MGAT5: variants seen among roughly 807,000 people sequenced by gnomAD.
MGAT5 encodes alpha-1,6-mannosylglycoprotein 6-beta-N-acetylglucosaminyltransferase A.
Under a neutral mutation model 94.3 loss-of-function variants are expected in MGAT5, and 30 were observed. That is an observed-to-expected ratio of 0.32 (90% CI 0.24 to 0.43). The LOEUF (loss-of-function observed/expected upper bound fraction) is 0.43, where lower values mean the gene tolerates loss of function less well. Ranked by LOEUF, MGAT5 falls within the 20% of genes least tolerant of loss-of-function variation. MGAT5 has a pLI of 1.00. For synonymous variants in MGAT5, 310 were observed against 322.9 expected, an observed-to-expected ratio of 0.96 and a Z score of 0.43; for missense variants, 691 against 905.5, an observed-to-expected ratio of 0.76 and a Z score of 3.04.
Position 134,318,861 on chromosome 2 carries a change from G to A in MGAT5, c.573+122G>A, listed in dbSNP as rs113477836. On this transcript the variant is annotated intron_variant, in intron 4 of 15. Coordinates refer to ENST00000281923, the MANE Select transcript of MGAT5 (RefSeq NM_002410.5). ...TTTTATGTGGAGGACCTATGGTTCC[G>A]TCCTTCATTACTCTCCCTACCTCTC... is the stretch of plus-strand genomic sequence containing the variant. The A allele has an allele frequency of 5.8e-4, 355 of 616,500 alleles. No individual in the cohort carries two copies. In the African/African-American group the frequency reaches 5.8e-3, roughly 10 times the overall value. The allele number at this position is 616,500 out of a possible 1,614,324, so 38.2% of individuals were successfully genotyped here.
intron 14 of MGAT5, among the ~76,000 whole-genome samples, chr2:134,437,835 C>G (rs1279545862): frequency 6.6e-6 from 1 of 151,848 alleles, no homozygotes; most frequent in African/African-American, 2.4e-5. Context: ...GCAAACATGG[C>G]GAAACCCCGT....
At chr2:134,439,423 G>A (rs940804205) in intron 14 of MGAT5, among the ~76,000 whole-genome samples, 60 of 152,312 alleles carry the variant, frequency 3.9e-4, no homozygotes, top group Admixed American at 2.0e-4. Context: ...AAGGCCGGGC[G>A]CGGTGGCTCA....
At chr2:134,201,880 A>AT (rs997014553) in intron 1 of MGAT5, among the ~76,000 whole-genome samples, 1 of 128,638 alleles carries the variant, frequency 7.8e-6, no homozygotes, top group Admixed American at 8.9e-5. Context: ...AAAGCTGCTG[A>AT]TTAGCACTCT....
At chr2:134,136,114 T>A (rs1449577157) in intron 1 of MGAT5, among the ~76,000 whole-genome samples, 1 of 152,240 alleles carries the variant, frequency 6.6e-6, no homozygotes, top group Non-Finnish European at 1.5e-5. Context: ...AATAGAAATC[T>A]AATATTTTCA....
chr2:134,188,870 T>C (rs1689173994), intron 1 of MGAT5, among the ~76,000 whole-genome samples: 1 of 152,218 alleles, frequency 6.6e-6, no homozygotes. Flanking sequence ...TCCCATGGCC[T>C]TCTTAGGTTT....
rs553711883 is a variant in MGAT5, at chr2:134,443,486, C to A, written c.2027+1571C>A. ...GTATTACAGGCGTGAGCCATCGTGC[C>A]CGGCCCTGGTGATGCTATTTTTTTC... On this transcript the variant is annotated intron_variant, in intron 15 of 15. Transcript: ENST00000281923. 1.9e-4 allele frequency among the ~76,000 whole-genome samples: 29 copies of A among 152,318 alleles called. No individual in the cohort carries two copies. The East Asian group carries it at 4.8e-3, about 25-fold the overall frequency.
At chr2:134,386,724 G>A (rs1266191680) in intron 10 of MGAT5, among the ~76,000 whole-genome samples, 1 of 152,142 alleles carries the variant, frequency 6.6e-6, no homozygotes, top group Non-Finnish European at 1.5e-5. Flanking sequence ...CCTACTCCTA[G>A]TTACTAGGGA....
chr2:134,364,706 A>G (rs1236781556), intron 10 of MGAT5, among the ~76,000 whole-genome samples: 1 of 152,214 alleles, frequency 6.6e-6, no homozygotes, highest in Non-Finnish European at 1.5e-5. Flanking sequence ...ACACCCAAAA[A>G]TCCTGGGTGT....
chr2:134,329,883 C>A (rs546766384), intron 4 of MGAT5, among the ~76,000 whole-genome samples: 1 of 152,216 alleles, frequency 6.6e-6, no homozygotes, highest in African/African-American at 2.4e-5. Flanking sequence ...GAACCACTTA[C>A]CACTTACATG....
chr2:134,234,682 G>A (rs538011431), intron 1 of MGAT5, among the ~76,000 whole-genome samples: 50 of 152,358 alleles, frequency 3.3e-4, no homozygotes, highest in African/African-American at 1.1e-3. Flanking sequence ...TAAGTCACAA[G>A]CTTGTGTTGG....
At chr2:134,409,873 T>C (rs559479668) in intron 11 of MGAT5, among the ~76,000 whole-genome samples, 1 of 152,344 alleles carries the variant, frequency 6.6e-6, no homozygotes, top group African/African-American at 2.4e-5. Context: ...GCCTCATCTG[T>C]TCTCTCTGCT....
chr2:134,419,778 A>G (rs1299378005), intron 12 of MGAT5, among the ~76,000 whole-genome samples: 5 of 152,206 alleles, frequency 3.3e-5, no homozygotes, highest in African/African-American at 1.2e-4. Context: ...GTATTTTCCA[A>G]GTGCTTGGAG....
In MGAT5 at chr2:134,208,004, C is replaced by T. The variant is rs537906521; in HGVS notation, c.-142-46258C>T. Among the ~76,000 whole-genome samples the T allele has an allele frequency of 2.6e-4, 40 of 152,316 alleles. No individual in the cohort carries two copies. In the South Asian group the frequency reaches 6.6e-3, roughly 25 times the overall value. ...TGCGTTCTACTTCCAAAAGTTTTCA[C>T]ATTTGTCACACTGTCCTAACCCTAT... On this transcript the variant is annotated intron_variant, in intron 1 of 16. Transcript: ENST00000409645.
chr2:134,131,834 C>T (rs978273252), intron 1 of MGAT5, among the ~76,000 whole-genome samples: 10 of 152,112 alleles, frequency 6.6e-5, no homozygotes, highest in Non-Finnish European at 1.2e-4. Context: ...TGGGCTTGCA[C>T]CTTCAGACCC....
chr2:134,253,632 G>A (rs551151981), upstream of MGAT5, among the ~76,000 whole-genome samples: 1 of 152,310 alleles, frequency 6.6e-6, no homozygotes, highest in East Asian at 1.9e-4. Flanking sequence ...AGCTGGGAAA[G>A]CAATACCCCT....
At chr2:134,322,215 G>GGGGTGTCACTTTGCCTTGGACATTATAT (rs1327523583) in intron 4 of MGAT5, among the ~76,000 whole-genome samples, 22 of 152,214 alleles carry the variant, frequency 1.4e-4, no homozygotes, top group African/African-American at 5.3e-4. Context: ...GAATAGTTGT[G>GGGGTGTCACTTTGCCTTGGACATTATAT]GGGTGTCACT....
intron 1 of MGAT5, among the ~76,000 whole-genome samples, chr2:134,142,766 G>C (rs2104962745): frequency 6.6e-6 from 1 of 152,256 alleles, no homozygotes; most frequent in Non-Finnish European, 1.5e-5. Context: ...TTTGTTTTTT[G>C]TTTTTTAACT....
At chr2:134,227,185 C>G (rs1230141360) in intron 1 of MGAT5, among the ~76,000 whole-genome samples, 1 of 152,196 alleles carries the variant, frequency 6.6e-6, no homozygotes, top group Non-Finnish European at 1.5e-5. Flanking sequence ...ATCCCATACT[C>G]TTTCCCACTG....
At chr2:134,345,203 G>C in intron 8 of MGAT5, 139 bp downstream of exon 8, 1 of 894,960 alleles carries the variant, frequency 1.1e-6, no homozygotes. Context: ...TTGAAATTCA[G>C]ATTCTCAGTG....
Sources: allele counts gnomAD v4.1 joint callset (sites outside exome capture counted in the v4.1 genomes callset), GRCh38; gene constraint gnomAD v4.1.1; transcripts MANE v1.5; gene names NCBI Gene and HGNC (gene_info 2026-07-23, HGNC 2026-07-21).